Variants in DPP6 observed in about 807,000 individuals in gnomAD.
The protein encoded by DPP6 is A-type potassium channel modulatory protein DPP6.
In DPP6, 69 loss-of-function variants were observed where a neutral mutation model predicts 122.6. The ratio of observed to expected loss-of-function variants is 0.56; its 90% confidence interval spans 0.46 to 0.69. The LOEUF (loss-of-function observed/expected upper bound fraction) is 0.69. Among genes scored for constraint, DPP6 ranks in the 30% least tolerant of loss-of-function variants. DPP6 has a pLI of 0.00. For synonymous variants in DPP6, 418 were observed against 433.1 expected (o/e 0.97, Z 0.43); for missense variants, 928 against 1,116.9 (o/e 0.83, Z 2.41).
chr7:154,333,224 A>G (rs1430313721), intron 1 of DPP6, among the ~76,000 whole-genome samples: 2 of 151,574 alleles, frequency 1.3e-5, no homozygotes, highest in Non-Finnish European at 2.9e-5. Context: ...ATGTTTGACT[A>G]TGTGAGGAAA....
In DPP6 at chr7:153,920,098, A is replaced by G. The variant is rs117954401; in HGVS notation, c.51+32364A>G. 1.6e-4 allele frequency among the ~76,000 whole-genome samples: 24 copies of G among 152,366 alleles called. No homozygotes were observed. In the East Asian group the frequency reaches 4.2e-3, roughly 27 times the overall value. ...AATCAAGTGAGGTAATGCAAAGAAC[A>G]TGAAATCCACATACTTGCTGCTGTT... On this transcript the variant is annotated intron_variant, in intron 1 of 25. Transcript: ENST00000404039.
At chr7:154,450,794 G>A (rs1369239653) in intron 2 of DPP6, among the ~76,000 whole-genome samples, 1 of 152,166 alleles carries the variant, frequency 6.6e-6, no homozygotes, top group Non-Finnish European at 1.5e-5. Context: ...TCACACAGCT[G>A]GGGACTTTAA....
intron 1 of DPP6, among the ~76,000 whole-genome samples, chr7:153,989,781 G>A (rs551867704): frequency 1.3e-5 from 2 of 152,088 alleles, no homozygotes; most frequent in East Asian, 1.9e-4. Context: ...TGTTATCCCT[G>A]CATGAGAGAG....
intron 1 of DPP6, among the ~76,000 whole-genome samples, chr7:154,396,254 T>C (rs1394426392): frequency 1.3e-5 from 2 of 152,220 alleles, no homozygotes; most frequent in African/African-American, 4.8e-5. Flanking sequence ...CTTTCCATTC[T>C]ACAGATGAGA....
rs184530921 is a variant in DPP6 at position 154,601,720 on chromosome 7, T to C, written c.627+34804T>C. On this transcript the variant is annotated intron_variant, in intron 5 of 25. Transcript: ENST00000377770. The stretch of plus-strand genomic sequence containing the variant: ...ATTTAGAGAACAGATTAGCAAATTA[T>C]GGCCCCTGAGCCTAATTTATCTTAG... Among the ~76,000 whole-genome samples, 7 of 120,968 alleles carry C rather than the reference T, an allele frequency of 5.8e-5. 2 individuals are homozygous for C. In the Admixed American group the frequency reaches 6.5e-4, roughly 11 times the overall value. The allele number at this position is 120,968 out of a possible 152,430, so 79.4% of individuals were successfully genotyped here.
chr7:154,612,042 A>G (rs1833943435), intron 5 of DPP6, among the ~76,000 whole-genome samples: 1 of 152,204 alleles, frequency 6.6e-6, no homozygotes, highest in African/African-American at 2.4e-5. Context: ...TGTTTAGGCC[A>G]TGGATTGATA....
intron 1 of DPP6, among the ~76,000 whole-genome samples, chr7:154,239,217 T>C (rs1801411226): frequency 2.6e-5 from 4 of 152,252 alleles, no homozygotes; most frequent in Admixed American, 1.3e-4. Flanking sequence ...CCGTATGGAA[T>C]TGAGGTCTTG....
At chr7:154,515,462 ACCTT>A (rs375492094) in intron 3 of DPP6, among the ~76,000 whole-genome samples, 14 of 149,950 alleles carry the variant, frequency 9.3e-5, no homozygotes, top group East Asian at 2.0e-4. Context: ...GTTCCTTCCT[ACCTT>A]CCTTCCTTCC....
chr7:154,889,447 T>C lies in DPP6; in HGVS notation c.2378-10T>C. On this transcript the variant is annotated splice_polypyrimidine_tract_variant and intron_variant, in intron 24 of 25. Transcript: ENST00000377770. The stretch of plus-strand genomic sequence containing the variant: ...GTCTTCCTCTCTTTTTTTTTTTTTT[T>C]TTTGCACAGAAAAAATTCATTTCCA... 1 of 1,576,428 alleles carries C rather than the reference T, an allele frequency of 6.3e-7. No individual in the cohort carries two copies. The highest frequency in any genetic ancestry group is 8.6e-7 in the Non-Finnish European group (1 of 1,164,424).
At chr7:154,356,635 A>G (rs1811291435) in intron 1 of DPP6, among the ~76,000 whole-genome samples, 2 of 152,176 alleles carry the variant, frequency 1.3e-5, no homozygotes, top group Admixed American at 6.5e-5. Flanking sequence ...AGACAATTCT[A>G]TCTAAGAAGT....
intron 8 of DPP6, among the ~76,000 whole-genome samples, chr7:154,756,346 G>A (rs558792287): frequency 8.5e-5 from 13 of 152,216 alleles, no homozygotes; most frequent in South Asian, 4.2e-4. Flanking sequence ...CTGCCTATAC[G>A]TCTCCAGGCC....
intron 1 of DPP6, among the ~76,000 whole-genome samples, chr7:154,197,420 G>A (rs1172123639): frequency 3.9e-5 from 6 of 152,110 alleles, no homozygotes; most frequent in Admixed American, 3.3e-4. Context: ...GATACCATAC[G>A]TCGATGCAGA....
At chr7:154,330,345 ACAAGT>A (rs1808815126) in intron 1 of DPP6, among the ~76,000 whole-genome samples, 1 of 152,210 alleles carries the variant, frequency 6.6e-6, no homozygotes, top group African/African-American at 2.4e-5. Flanking sequence ...AAGAAAAAAG[ACAAGT>A]CATGATCTCT....
At chr7:154,082,699 C>G (rs950774329) in intron 1 of DPP6, among the ~76,000 whole-genome samples, 5 of 151,980 alleles carry the variant, frequency 3.3e-5, no homozygotes, top group Non-Finnish European at 7.4e-5. Context: ...GTTTGCATTT[C>G]AAGGCTGATA....
intron 1 of DPP6, among the ~76,000 whole-genome samples, chr7:154,211,381 G>T (rs1762419619): frequency 1.3e-5 from 2 of 152,120 alleles, no homozygotes; most frequent in African/African-American, 4.8e-5. Context: ...CTGAGTCAGG[G>T]AGTCACTGGG....
chr7:154,006,928 C>A (rs1797938340), intron 1 of DPP6, among the ~76,000 whole-genome samples: 1 of 152,218 alleles, frequency 6.6e-6, no homozygotes, highest in Non-Finnish European at 1.5e-5. Flanking sequence ...GAAGCTACCT[C>A]CCCCTGAAAG....
intron 6 of DPP6, among the ~76,000 whole-genome samples, chr7:154,648,417 C>A (rs769399917): frequency 1.3e-5 from 2 of 152,134 alleles, no homozygotes; most frequent in African/African-American, 2.4e-5. Flanking sequence ...TGTGCTCCTG[C>A]AGAGGGTTGG....
At chr7:154,711,793 T>C (rs901562902) in intron 7 of DPP6, among the ~76,000 whole-genome samples, 1 of 152,230 alleles carries the variant, frequency 6.6e-6, no homozygotes, top group Non-Finnish European at 1.5e-5. Flanking sequence ...AATTATTCCA[T>C]CCCTAGTTCC....
intron 1 of DPP6, among the ~76,000 whole-genome samples, chr7:154,156,006 T>G (rs901925383): frequency 1.1e-4 from 17 of 152,252 alleles, no homozygotes; most frequent in African/African-American, 2.9e-4. Context: ...TAAGCTCCAA[T>G]GCCTGTGTGT....
Sources: allele counts gnomAD v4.1 joint callset (sites outside exome capture counted in the v4.1 genomes callset), GRCh38; gene constraint gnomAD v4.1.1; transcripts MANE v1.5; gene names NCBI Gene and HGNC (gene_info 2026-07-23, HGNC 2026-07-21).